Variants in MLLT10 observed in about 807,000 individuals in gnomAD.
The protein encoded by MLLT10 is protein AF-10.
Under a neutral mutation model 129.1 loss-of-function variants are expected in MLLT10, and 30 were observed. The observed-to-expected ratio is 0.23, with a 90% CI of 0.17 to 0.32. The LOEUF (loss-of-function observed/expected upper bound fraction) is 0.32. Among genes scored for constraint, MLLT10 ranks in the 10% least tolerant of loss-of-function variants. MLLT10 has a pLI of 1.00. For synonymous variants in MLLT10, 490 were observed against 446.4 expected (o/e 1.10, Z -1.23); for missense variants, 1,119 against 1,268.3 (o/e 0.88, Z 1.79).
intron 14 of MLLT10, among the ~76,000 whole-genome samples, chr10:21,717,886 CT>C (rs2056845187): frequency 1.4e-5 from 2 of 146,294 alleles, no homozygotes; most frequent in African/African-American, 5.3e-5. Context: ...TCTCCTCCTC[CT>C]TCTCCTCCTC....
At chr10:21,580,043 T>A (rs1437968298) in intron 3 of MLLT10, among the ~76,000 whole-genome samples, 1 of 151,378 alleles carries the variant, frequency 6.6e-6, no homozygotes. Context: ...TAATTTGAGA[T>A]CAAGTCTTGC....
chr10:21,713,724 C>G, intron 13 of MLLT10, 48 bp from the exon 14 acceptor site: 1 of 1,539,844 alleles, frequency 6.5e-7, no homozygotes, highest in Non-Finnish European at 8.8e-7. Flanking sequence ...GTGTCTGTGA[C>G]AAATTTGACT....
At chr10:21,620,397 G>A (rs192193053) in intron 8 of MLLT10, among the ~76,000 whole-genome samples, 127 of 152,250 alleles carry the variant, frequency 8.3e-4, no homozygotes, top group African/African-American at 3.0e-3. Context: ...ACTGTACACT[G>A]GTATGAAAAC....
At chr10:21,545,451 C>T (rs985275370) in intron 3 of MLLT10, among the ~76,000 whole-genome samples, 1 of 152,012 alleles carries the variant, frequency 6.6e-6, no homozygotes, top group Non-Finnish European at 1.5e-5. Context: ...ACAGCTAATA[C>T]AGCTTCCTGG....
chr10:21,542,731 GA>G (rs950731648), intron 3 of MLLT10, among the ~76,000 whole-genome samples: 2 of 149,406 alleles, frequency 1.3e-5, no homozygotes, highest in African/African-American at 4.9e-5. Context: ...TCTACAAAAA[GA>G]AAAAAAAAAT....
intron 5 of MLLT10, among the ~76,000 whole-genome samples, 177 bp from the exon 6 acceptor site, chr10:21,612,171 T>C (rs571520691): frequency 9.2e-5 from 14 of 152,310 alleles, no homozygotes; most frequent in Admixed American, 7.8e-4. Flanking sequence ...TGTCTTTGTT[T>C]ATATTTTTCT....
intron 9 of MLLT10, among the ~76,000 whole-genome samples, chr10:21,668,176 C>G (rs566120482): frequency 6.6e-6 from 1 of 152,090 alleles, no homozygotes; most frequent in Non-Finnish European, 1.5e-5. Flanking sequence ...ACAAGAATTA[C>G]ACTCAGAGCA....
At chr10:21,610,580 GGGA>G (rs1024057306) in intron 5 of MLLT10, among the ~76,000 whole-genome samples, 1 of 151,484 alleles carries the variant, frequency 6.6e-6, no homozygotes, top group Non-Finnish European at 1.5e-5. Context: ...TACTTCTCTG[GGGA>G]GGAGATCTCC....
intron 9 of MLLT10, among the ~76,000 whole-genome samples, chr10:21,657,457 G>C (rs1250843000): frequency 6.7e-6 from 1 of 149,750 alleles, no homozygotes; most frequent in African/African-American, 2.5e-5. Flanking sequence ...AGATTTGCTT[G>C]CTGTCAATGT....
At chr10:21,553,325 A>G (rs969584067) in intron 3 of MLLT10, among the ~76,000 whole-genome samples, 7 of 140,288 alleles carry the variant, frequency 5.0e-5, no homozygotes, top group Non-Finnish European at 1.1e-4. Flanking sequence ...AGCAGTTCTA[A>G]TTTTTTTTTT....
At chr10:21,540,296 G>A (rs7073709) in intron 3 of MLLT10, among the ~76,000 whole-genome samples, 4,488 of 151,908 alleles carry the variant, frequency 0.03, 226 homozygotes, top group African/African-American at 0.1. Flanking sequence ...GGGCTAAGAC[G>A]GGAGAATCGC....
At chr10:21,738,346 A>T in intron 21 of MLLT10, 1 of 1,213,104 alleles carries the variant, frequency 8.2e-7, no homozygotes, top group East Asian at 5.7e-5. Context: ...TAATATGAGC[A>T]CTAAAACTCC....
At chr10:21,693,023 T>A (rs369954697) in intron 13 of MLLT10, among the ~76,000 whole-genome samples, 49 of 152,134 alleles carry the variant, frequency 3.2e-4, no homozygotes, top group African/African-American at 1.0e-3. Flanking sequence ...AAAAAAAAAA[T>A]CACTGTGTAG....
At chr10:21,677,211 C>T (rs1420817436) in intron 11 of MLLT10, among the ~76,000 whole-genome samples, 1 of 152,124 alleles carries the variant, frequency 6.6e-6, no homozygotes, top group East Asian at 1.9e-4. Flanking sequence ...CAAAGAGATC[C>T]CTGAACAAAT....
intron 9 of MLLT10, chr10:21,669,103 A>ATT: frequency 5.7e-6 from 7 of 1,223,658 alleles, no homozygotes; most frequent in Non-Finnish European, 7.4e-6. Context: ...GTAAAATGGG[A>ATT]TTTTTTTTTT....
intron 3 of MLLT10, among the ~76,000 whole-genome samples, chr10:21,563,656 C>T (rs2039145032): frequency 6.6e-6 from 1 of 151,994 alleles, no homozygotes; most frequent in African/African-American, 2.4e-5. Flanking sequence ...TACTTATTTG[C>T]TGAAAGATAA....
rs372628811 is a variant in MLLT10 at position 21,670,542 on chromosome 10, G to T, written c.889G>T (p.Val297Phe). The T allele has an allele frequency of 2.3e-5, 37 of 1,614,022 alleles. No individual in the cohort carries two copies. Among genetic ancestry groups the T allele is most frequent in the Non-Finnish European group, 3.0e-5 (35 of 1,180,036 alleles). Residue 297 changes from valine to phenylalanine, a missense_variant, in exon 10 of 23, where the codon GTC becomes TTC. Val to Phe is a conservative substitution (Grantham distance 50). This residue lies in a region of MLLT10 where 1,004 missense variants were observed against 1,008.7 expected (regional missense o/e 1.00). Coordinates refer to ENST00000307729, the MANE Select transcript of MLLT10 (RefSeq NM_001195626.3). Reference sequence around the variant, plus strand: ...ATTTACAAATGCAAATTTCCAGGAAGTCTCTGCACACACCTCTAGTGGAAA... The same window carrying T: ...ATTTACAAATGCAAATTTCCAGGAATTCTCTGCACACACCTCTAGTGGAAA... Reference protein sequence around the residue: ...ARFTNANFQEVSAHTSSGKDV... With the variant: ...ARFTNANFQEFSAHTSSGKDV...
intron 19 of MLLT10, 59 bp downstream of exon 19, chr10:21,733,651 A>AAT: frequency 1.4e-6 from 2 of 1,453,736 alleles, no homozygotes; most frequent in Non-Finnish European, 9.2e-7. Flanking sequence ...ATAGTATATT[A>AAT]AATGGTTTAA....
intron 11 of MLLT10, among the ~76,000 whole-genome samples, chr10:21,676,833 T>G (rs1197500880): frequency 6.6e-6 from 1 of 151,896 alleles, no homozygotes; most frequent in Non-Finnish European, 1.5e-5. Context: ...TGAGATATAT[T>G]CTTTAGTTTT....
Sources: allele counts gnomAD v4.1 joint callset (sites outside exome capture counted in the v4.1 genomes callset), GRCh38; gene constraint gnomAD v4.1.1; regional missense constraint gnomAD v4.1.1; transcripts MANE v1.5; gene names NCBI Gene and HGNC (gene_info 2026-07-23, HGNC 2026-07-21).